The following IL1RAPL1 variants were observed in gnomAD, a reference collection of about 807,000 sequenced individuals.
The protein encoded by IL1RAPL1 is interleukin 1 receptor accessory protein like 1, also known as interleukin-1 receptor accessory protein-like 1.
Under a neutral mutation model 48.4 loss-of-function variants are expected in IL1RAPL1, and 3 were observed. That is an observed-to-expected ratio of 0.06 (90% CI 0.03 to 0.16). The LOEUF (loss-of-function observed/expected upper bound fraction) is 0.16, where lower values mean the gene tolerates loss of function less well. IL1RAPL1 is among the 10% of genes least tolerant of loss of function. The pLI, the probability that IL1RAPL1 is intolerant of heterozygous loss-of-function variation, is 1.00. For missense variants in IL1RAPL1, 349 were observed against 530.6 expected (o/e 0.66, Z 3.36); for synonymous variants, 185 against 187.7 (o/e 0.99, Z 0.12).
At chrX:29,127,499 G>A (rs1482446165) in intron 2 of IL1RAPL1, among the ~76,000 whole-genome samples, 1 of 111,949 alleles carries the variant, frequency 8.9e-6, no homozygotes, top group Admixed American at 9.5e-5. Context: ...AAGTATAGTA[G>A]TACTGCTCTT....
rs775391510 is a variant in IL1RAPL1 at position 29,396,214 on chromosome X, T to C, written c.363-44T>C. 257 of 1,101,354 alleles carry C rather than the reference T, an allele frequency of 2.3e-4. 2 individuals carry two copies. The South Asian group carries it at 4.5e-3, about 19-fold the overall frequency. The allele number at this position is 1,101,354 out of a possible 1,213,427, so 90.8% of individuals were successfully genotyped here. A position where few individuals can be genotyped will look rare whatever the true frequency, so the allele number is the denominator to read the frequency against. On this transcript the variant is annotated intron_variant, in intron 3 of 10. Transcript: ENST00000378993. ...ATACACTGCCTTGGCAGCACTTGCTTTTTGTTCACACCAGGTCACTGTATT... is the reference window on the plus strand; with the variant it reads ...ATACACTGCCTTGGCAGCACTTGCTCTTTGTTCACACCAGGTCACTGTATT...
intron 1 of IL1RAPL1, among the ~76,000 whole-genome samples, chrX:28,667,545 A>G (rs986194587): frequency 9.0e-6 from 1 of 111,597 alleles, no homozygotes; most frequent in Non-Finnish European, 1.9e-5. Flanking sequence ...TCATGCTAGT[A>G]ACTCCCTTTC....
intron 1 of IL1RAPL1, among the ~76,000 whole-genome samples, chrX:28,730,244 G>T (rs942198853): frequency 9.0e-6 from 1 of 111,210 alleles, no homozygotes; most frequent in Non-Finnish European, 1.9e-5. Flanking sequence ...AACTAAACCA[G>T]CACATATTGG....
chrX:29,608,387 CAAAA>C (rs372371455), intron 5 of IL1RAPL1, among the ~76,000 whole-genome samples: 8 of 62,512 alleles, frequency 1.3e-4, no homozygotes, highest in Admixed American at 1.2e-3. Context: ...GAAGGGGTTT[CAAAA>C]AAAAAAAGGA....
intron 5 of IL1RAPL1, among the ~76,000 whole-genome samples, chrX:29,480,277 TACACACAC>T (rs201773433): frequency 2.5e-5 from 2 of 80,587 alleles, no homozygotes; most frequent in South Asian, 1.6e-3. Flanking sequence ...GATATATGTA[TACACACAC>T]ATATACATAT....
At chrX:29,809,272 A>AT (rs145317655) in intron 6 of IL1RAPL1, among the ~76,000 whole-genome samples, 1,612 of 91,852 alleles carry the variant, frequency 0.018, 21 homozygotes, top group African/African-American at 0.051. Flanking sequence ...AATTTTTTGC[A>AT]TTTTTTTTTT....
At chrX:28,884,783 A>G (rs1922589225) in intron 2 of IL1RAPL1, among the ~76,000 whole-genome samples, 1 of 111,739 alleles carries the variant, frequency 8.9e-6, no homozygotes, top group African/African-American at 3.2e-5. Context: ...AGGCAGAGAA[A>G]GGACAAAAAA....
intron 1 of IL1RAPL1, among the ~76,000 whole-genome samples, chrX:28,664,236 C>T (rs897285690): frequency 3.6e-5 from 4 of 111,825 alleles, no homozygotes; most frequent in South Asian, 7.5e-4. Flanking sequence ...TAACTGTCCC[C>T]GAAAATTCAA....
Position 29,027,918 on chromosome X carries a change from C to CTT in IL1RAPL1, c.82+238497_82+238498dup, listed in dbSNP as rs1177711485. On this transcript the variant is annotated intron_variant, in intron 2 of 10. Transcript: ENST00000378993. ...TTTCCATTGTTGAGTTTTAAGATTT[C>CTT]TTTTTGTGTGTGTGTGTGTGTGTGT... is the stretch of plus-strand genomic sequence containing the variant. 1.7e-4 allele frequency among the ~76,000 whole-genome samples: 18 copies of CTT among 103,150 alleles called. No homozygotes were observed. The East Asian group carries it at 2.8e-3, about 16-fold the overall frequency. The allele number at this position is 103,150 out of a possible 115,157, so 89.6% of individuals were successfully genotyped here.
At chrX:28,961,639 G>C (rs1404554747) in intron 2 of IL1RAPL1, among the ~76,000 whole-genome samples, 2 of 110,978 alleles carry the variant, frequency 1.8e-5, no homozygotes, top group Non-Finnish European at 3.8e-5. Context: ...TGAGGATGAT[G>C]GTTTCCAGCT....
chrX:29,722,969 C>T (rs1299495288), intron 6 of IL1RAPL1, among the ~76,000 whole-genome samples: 1 of 111,789 alleles, frequency 8.9e-6, no homozygotes, highest in Non-Finnish European at 1.9e-5. Flanking sequence ...AAAGTTTATT[C>T]TTATGCATTT....
rs144486753 is a variant in IL1RAPL1 at position 29,843,847 on chromosome X, G to A, written c.779-73617G>A. On this transcript the variant is annotated intron_variant, in intron 6 of 10. Transcript: ENST00000378993. ...ATCATCACATCTCCTTCCCTGACTCGGACCATTCTGCCTGCCTCCATCTTA... is the reference window on the plus strand; with the variant it reads ...ATCATCACATCTCCTTCCCTGACTCAGACCATTCTGCCTGCCTCCATCTTA... 9.4e-3 allele frequency among the ~76,000 whole-genome samples: 1,005 copies of A among 107,294 alleles called. 3 individuals are homozygous for A. Among genetic ancestry groups the A allele is most frequent in the African/African-American group, 0.014 (397 of 29,405 alleles). 93.2% of individuals were successfully genotyped at this position (107,294 alleles called of 115,157 possible).
chrX:28,616,025 C>T (rs73630065), intron 1 of IL1RAPL1, among the ~76,000 whole-genome samples: 9,037 of 112,297 alleles, frequency 0.08, 289 homozygotes, highest in African/African-American at 0.12. Context: ...AGAAGTGGAG[C>T]TCCTGAGTTC....
intron 1 of IL1RAPL1, among the ~76,000 whole-genome samples, chrX:28,747,581 C>T (rs1935994666): frequency 8.9e-6 from 1 of 111,871 alleles, no homozygotes; most frequent in African/African-American, 3.2e-5. Context: ...ACAGAGGTTG[C>T]AGTGAGCTGA....
intron 6 of IL1RAPL1, among the ~76,000 whole-genome samples, chrX:29,864,304 T>C (rs1163312109): frequency 1.8e-5 from 2 of 112,237 alleles, no homozygotes; most frequent in Non-Finnish European, 3.8e-5. Context: ...GTGTGATACC[T>C]CAAAACCTTT....
intron 1 of IL1RAPL1, among the ~76,000 whole-genome samples, chrX:28,614,169 G>A (rs1407968118): frequency 2.3e-5 from 2 of 88,779 alleles, no homozygotes; most frequent in African/African-American, 8.0e-5. Flanking sequence ...CAGACCATAA[G>A]CTTTCGTTCT....
At chrX:29,832,918 A>C (rs1930914855) in intron 6 of IL1RAPL1, among the ~76,000 whole-genome samples, 1 of 110,832 alleles carries the variant, frequency 9.0e-6, no homozygotes, top group Non-Finnish European at 1.9e-5. Context: ...TGTATGTGAC[A>C]TTGAACAAAA....
chrX:29,701,539 A>G (rs1927046021), intron 6 of IL1RAPL1, among the ~76,000 whole-genome samples: 2 of 112,191 alleles, frequency 1.8e-5, no homozygotes, highest in African/African-American at 6.5e-5. Flanking sequence ...AGGAAGCTTC[A>G]AAGTGGATAA....
chrX:29,807,215 C>T (rs1305796807), intron 6 of IL1RAPL1, among the ~76,000 whole-genome samples: 1 of 109,530 alleles, frequency 9.1e-6, no homozygotes, highest in East Asian at 2.8e-4. Flanking sequence ...TTCAATTTCA[C>T]GTAATCTAGA....
Sources: allele counts gnomAD v4.1 joint callset (sites outside exome capture counted in the v4.1 genomes callset), GRCh38; gene constraint gnomAD v4.1.1; transcripts MANE v1.5; gene names NCBI Gene and HGNC (gene_info 2026-07-23, HGNC 2026-07-21).